Variants in DCC observed in about 807,000 individuals in gnomAD.
DCC encodes netrin receptor DCC.
In DCC, 58 loss-of-function variants were observed where a neutral mutation model predicts 172.5. That is an observed-to-expected ratio of 0.34 (90% CI 0.27 to 0.42). DCC has a LOEUF of 0.42. Ranked by LOEUF, DCC falls within the 10% of genes least tolerant of loss-of-function variation. The pLI is 1.00. For synonymous variants in DCC, 709 were observed against 644.5 expected, an observed-to-expected ratio of 1.10 and a Z score of -1.52; for missense variants, 1,740 against 1,791.0, an observed-to-expected ratio of 0.97 and a Z score of 0.51.
At chr18:52,681,302 T>C (rs933394362) in intron 1 of DCC, among the ~76,000 whole-genome samples, 3 of 152,050 alleles carry the variant, frequency 2.0e-5, no homozygotes, top group Non-Finnish European at 4.4e-5. Flanking sequence ...TCCATTGCTC[T>C]GAATCCTTAG....
At chr18:52,924,825 T>C (rs2040176960) in intron 4 of DCC, among the ~76,000 whole-genome samples, 1 of 152,052 alleles carries the variant, frequency 6.6e-6, no homozygotes, top group Non-Finnish European at 1.5e-5. Context: ...AGCCAAGCAC[T>C]CTTAGTGCAG....
intron 15 of DCC, among the ~76,000 whole-genome samples, chr18:53,366,669 C>T (rs954825300): frequency 6.6e-6 from 1 of 152,152 alleles, no homozygotes; most frequent in African/African-American, 2.4e-5. Context: ...AAAGCAATTA[C>T]TTTAATAATA....
intron 15 of DCC, among the ~76,000 whole-genome samples, chr18:53,348,193 A>G (rs917466279): frequency 1.3e-5 from 2 of 152,200 alleles, no homozygotes; most frequent in East Asian, 3.9e-4. Context: ...TCCTAGATAC[A>G]ATGCAGGGAC....
At chr18:53,109,525 C>T (rs1049764938) in intron 7 of DCC, among the ~76,000 whole-genome samples, 11 of 150,188 alleles carry the variant, frequency 7.3e-5, no homozygotes, top group African/African-American at 2.7e-4. Flanking sequence ...TGTGTCTGTC[C>T]GTCTCTGTCT....
intron 28 of DCC, among the ~76,000 whole-genome samples, chr18:53,529,452 A>G (rs1233933779): frequency 1.3e-5 from 2 of 152,212 alleles, no homozygotes; most frequent in Admixed American, 6.5e-5. Flanking sequence ...AGCCAAGAAT[A>G]ATAAGTAGAA....
intron 1 of DCC, among the ~76,000 whole-genome samples, chr18:52,575,440 G>C (rs1310246659): frequency 1.3e-5 from 2 of 152,128 alleles, no homozygotes; most frequent in African/African-American, 4.8e-5. Flanking sequence ...TGGTCAGGAA[G>C]GTTCTGGAAA....
At chr18:53,063,630 A>G (rs1024221598) in intron 6 of DCC, 171 bp downstream of exon 6, 2 of 598,814 alleles carry the variant, frequency 3.3e-6, no homozygotes, top group Non-Finnish European at 5.8e-6. Flanking sequence ...GAATATTTGA[A>G]CTGAGAAAGA....
chr18:52,777,771 A>G (rs868632174), intron 2 of DCC, among the ~76,000 whole-genome samples: 20 of 136,050 alleles, frequency 1.5e-4, no homozygotes, highest in Non-Finnish European at 2.8e-4. Context: ...ATCTCCAGGG[A>G]AAAAAAAAGA....
chr18:52,893,481 A>G (rs2039682605), intron 2 of DCC, among the ~76,000 whole-genome samples: 1 of 152,204 alleles, frequency 6.6e-6, no homozygotes, highest in African/African-American at 2.4e-5. Flanking sequence ...AAAAGTTTGA[A>G]ACAATTATAA....
At chr18:53,012,109 G>T (rs1452063204) in intron 5 of DCC, among the ~76,000 whole-genome samples, 1 of 151,852 alleles carries the variant, frequency 6.6e-6, no homozygotes, top group African/African-American at 2.4e-5. Flanking sequence ...TAAAGATGAA[G>T]TTATCACTTT....
chr18:53,114,781 G>C (rs377682505), intron 7 of DCC, among the ~76,000 whole-genome samples: 1 of 151,560 alleles, frequency 6.6e-6, no homozygotes, highest in Admixed American at 6.6e-5. Flanking sequence ...GTGGGCCCTG[G>C]CTCCTTGATT....
At chr18:53,308,646 C>T (rs970066644) in intron 13 of DCC, among the ~76,000 whole-genome samples, 3 of 152,136 alleles carry the variant, frequency 2.0e-5, no homozygotes, top group African/African-American at 4.8e-5. Flanking sequence ...GAAGTTAACA[C>T]ATTCAGTTAG....
chr18:52,344,867 A>G (rs966527920), intron 1 of DCC, among the ~76,000 whole-genome samples: 27 of 152,216 alleles, frequency 1.8e-4, no homozygotes, highest in Admixed American at 1.2e-3. Context: ...ATTAAAATTC[A>G]ATGTCCACAT....
rs139741131 is a variant in DCC at position 53,478,085 on chromosome 18, A to G, written c.3737-8712A>G. Reference sequence around the variant, plus strand: ...GTGAGGGTGAAGGATACAGAATAACACCAGTGAGGGTGAAGGATACAGAAT... The same window carrying G: ...GTGAGGGTGAAGGATACAGAATAACGCCAGTGAGGGTGAAGGATACAGAAT... On this transcript the variant is annotated intron_variant, in intron 25 of 28. Coordinates refer to ENST00000442544, the MANE Select transcript of DCC (RefSeq NM_005215.4). Among the ~76,000 whole-genome samples the G allele has an allele frequency of 5.9e-5, 9 of 152,364 alleles. No homozygotes were observed. In the East Asian group the frequency reaches 1.7e-3, roughly 29 times the overall value.
rs1350071646 is a variant in DCC at position 53,532,482 on chromosome 18, ATGT to A, written c.*1834_*1836del. ...GAAGTCTTTTCTGAAGAGCTATGTG[ATGT>A]TGTTCTATGGGACAGACTACTCTTA... On this transcript the variant is annotated 3_prime_UTR_variant, in exon 29 of 29. Transcript: ENST00000442544. The A allele has an allele frequency of 6.6e-6, 1 of 152,202 alleles. No homozygotes were observed. The highest frequency in any genetic ancestry group is 1.5e-5 in the Non-Finnish European group (1 of 68,032). The allele number at this position is 152,202 out of a possible 1,614,324, so 9.4% of individuals were successfully genotyped here.
At chr18:53,466,044 A>G (rs1274860326) in intron 24 of DCC, among the ~76,000 whole-genome samples, 2 of 152,138 alleles carry the variant, frequency 1.3e-5, no homozygotes, top group Non-Finnish European at 2.9e-5. Flanking sequence ...GATTACAGGC[A>G]TGAGCCACCA....
At chr18:52,402,251 C>CT (rs1270540818) in intron 1 of DCC, among the ~76,000 whole-genome samples, 1 of 151,942 alleles carries the variant, frequency 6.6e-6, no homozygotes, top group Non-Finnish European at 1.5e-5. Flanking sequence ...ATAACTCACT[C>CT]TCTGATCGAT....
chr18:53,372,983 C>G (rs2058074014), intron 15 of DCC, among the ~76,000 whole-genome samples: 1 of 152,170 alleles, frequency 6.6e-6, no homozygotes, highest in African/African-American at 2.4e-5. Flanking sequence ...CCACTTCTCA[C>G]TAAACAAAAG....
At chr18:53,345,782 G>A (rs2057717101) in intron 15 of DCC, among the ~76,000 whole-genome samples, 1 of 149,214 alleles carries the variant, frequency 6.7e-6, no homozygotes, top group Non-Finnish European at 1.5e-5. Context: ...CTTTCCTCCA[G>A]TTCTTTCAAG....
Sources: gnomAD v4.1 joint callset for allele counts (sites outside exome capture counted in the v4.1 genomes callset) on GRCh38, gnomAD v4.1.1 for gene constraint, MANE v1.5 for transcripts, NCBI Gene and HGNC (gene_info 2026-07-23, HGNC 2026-07-21) for gene names.